The following SORBS2 variants were observed in gnomAD, a reference collection of about 807,000 sequenced individuals.
The protein encoded by SORBS2 is sorbin and SH3 domain-containing protein 2.
A neutral mutation model predicts 97.7 loss-of-function variants in SORBS2; 46 were observed. That is an observed-to-expected ratio of 0.47 (90% CI 0.37 to 0.60). SORBS2 has a LOEUF of 0.60. Among genes scored for constraint, SORBS2 ranks in the 20% least tolerant of loss-of-function variants. SORBS2 has a pLI of 0.00. For synonymous variants in SORBS2, 476 were observed against 473.4 expected, an observed-to-expected ratio of 1.01 and a Z score of -0.07; for missense variants, 1,316 against 1,282.3, an observed-to-expected ratio of 1.03 and a Z score of -0.40.
intron 2 of SORBS2, among the ~76,000 whole-genome samples, chr4:185,765,497 A>T (rs1441315791): frequency 6.6e-6 from 1 of 152,238 alleles, no homozygotes; most frequent in Non-Finnish European, 1.5e-5. Context: ...TCCAAAATAC[A>T]TAAAAAATTG....
intron 1 of SORBS2, among the ~76,000 whole-genome samples, chr4:185,887,956 ATATATGTGTG>A (rs1158114483): frequency 1.0e-4 from 10 of 96,960 alleles, no homozygotes; most frequent in Non-Finnish European, 2.0e-4. Context: ...CATAGTATAT[ATATATGTGTG>A]TGTGTGTGTG....
intron 1 of SORBS2, among the ~76,000 whole-genome samples, chr4:185,817,425 A>C (rs2099193902): frequency 6.6e-6 from 1 of 152,202 alleles, no homozygotes; most frequent in South Asian, 2.1e-4. Context: ...TAAGCTTAAA[A>C]AGCGACCTGG....
chr4:185,895,704 G>C (rs936639608), intron 1 of SORBS2, among the ~76,000 whole-genome samples: 12 of 152,242 alleles, frequency 7.9e-5, no homozygotes, highest in African/African-American at 2.9e-4. Context: ...GTTCTTCTCT[G>C]AGAACTTTGC....
At chr4:185,681,719 C>A (rs1327111594) in intron 2 of SORBS2, among the ~76,000 whole-genome samples, 1 of 152,192 alleles carries the variant, frequency 6.6e-6, no homozygotes, top group African/African-American at 2.4e-5. Context: ...GAGGCACAAA[C>A]TGGTGAGTCT....
intron 12 of SORBS2, among the ~76,000 whole-genome samples, chr4:185,595,139 A>G (rs2096055791): frequency 6.6e-6 from 1 of 152,130 alleles, no homozygotes; most frequent in African/African-American, 2.4e-5. Flanking sequence ...TTTCTATCCT[A>G]CTTGTCTATC....
chr4:185,681,244 GCT>G (rs2097862066), intron 2 of SORBS2, among the ~76,000 whole-genome samples: 1 of 152,056 alleles, frequency 6.6e-6, no homozygotes, highest in African/African-American at 2.4e-5. Flanking sequence ...GTCCTGATTT[GCT>G]CTTTTATTAT....
chr4:185,891,308 C>T (rs949015260), intron 1 of SORBS2, among the ~76,000 whole-genome samples: 1 of 152,120 alleles, frequency 6.6e-6, no homozygotes, highest in Admixed American at 6.5e-5. Flanking sequence ...AAACAATCCC[C>T]ACTTTGCCTT....
chr4:185,663,021 A>G (rs889335026), intron 4 of SORBS2, among the ~76,000 whole-genome samples: 11 of 152,208 alleles, frequency 7.2e-5, no homozygotes, highest in African/African-American at 2.7e-4. Context: ...CTGATGACAG[A>G]GTAGATGTTC....
chr4:185,663,570 C>T (rs1414855887), intron 4 of SORBS2, among the ~76,000 whole-genome samples: 1 of 152,230 alleles, frequency 6.6e-6, no homozygotes, highest in African/African-American at 2.4e-5. Context: ...GAGGCACAGG[C>T]CTGCCCAAAT....
At chr4:185,618,661 AT>A in intron 8 of SORBS2, 30 bp from the exon 21 acceptor site, 1 of 1,461,276 alleles carries the variant, frequency 6.8e-7, no homozygotes, top group Non-Finnish European at 9.3e-7. Context: ...ATTAGCACTA[AT>A]TTAAAATTTG....
chr4:185,888,059 A>ATATTATTAT (rs148021041), intron 1 of SORBS2, among the ~76,000 whole-genome samples: 34,226 of 148,742 alleles, frequency 0.23, 4,278 homozygotes, highest in East Asian at 0.52. Context: ...CTGACATTCT[A>ATATTATTAT]TATTATTATT....
chr4:185,914,819 G>C (rs1406261052), intron 1 of SORBS2, among the ~76,000 whole-genome samples: 1 of 152,184 alleles, frequency 6.6e-6, no homozygotes, highest in African/African-American at 2.4e-5. Flanking sequence ...TCTGTAACCA[G>C]TCACAACTCA....
At chr4:185,952,656 G>A (rs191866926) in intron 1 of SORBS2, among the ~76,000 whole-genome samples, 57 of 152,268 alleles carry the variant, frequency 3.7e-4, no homozygotes, top group South Asian at 3.3e-3. Context: ...AGGCTGTATC[G>A]TTCTTTGTTG....
At chr4:185,783,206 T>C (rs1471265282) in intron 1 of SORBS2, among the ~76,000 whole-genome samples, 1 of 152,250 alleles carries the variant, frequency 6.6e-6, no homozygotes, top group East Asian at 1.9e-4. Context: ...GAAGGAACTA[T>C]AGATTCCTTA....
intron 1 of SORBS2, among the ~76,000 whole-genome samples, chr4:185,949,089 G>C (rs1233417177): frequency 6.6e-6 from 1 of 151,846 alleles, no homozygotes; most frequent in African/African-American, 2.4e-5. Flanking sequence ...AACAGGAGGG[G>C]GGTTGGGGAG....
At chr4:185,923,024 G>A (rs1325428599) in intron 1 of SORBS2, among the ~76,000 whole-genome samples, 1 of 152,158 alleles carries the variant, frequency 6.6e-6, no homozygotes, top group Non-Finnish European at 1.5e-5. Flanking sequence ...TAATCTCTCT[G>A]AGCTTCAGTT....
intron 1 of SORBS2, among the ~76,000 whole-genome samples, chr4:185,880,032 T>C (rs2099236081): frequency 6.6e-6 from 1 of 151,708 alleles, no homozygotes. Context: ...GATTGGAGAG[T>C]TGAGGTTTGG....
intron 2 of SORBS2, among the ~76,000 whole-genome samples, chr4:185,755,356 C>T (rs2098824321): frequency 6.6e-6 from 1 of 152,210 alleles, no homozygotes; most frequent in East Asian, 1.9e-4. Context: ...GAGTCACTGT[C>T]ACTTGGAATG....
At chr4:185,624,117 C>G (rs190302483) in exon 7 of SORBS2, 3 of 1,614,194 alleles carry the variant, frequency 1.9e-6, no homozygotes, top group East Asian at 2.2e-5. Context: ...CTTGATCTGC[C>G]GTTACTGCGA....
Sources: allele counts gnomAD v4.1 joint callset (sites outside exome capture counted in the v4.1 genomes callset), GRCh38; gene constraint gnomAD v4.1.1; transcripts MANE v1.5; gene names NCBI Gene and HGNC (gene_info 2026-07-23, HGNC 2026-07-21).